Variants in UST observed in about 807,000 individuals in gnomAD.
UST encodes the protein uronyl 2-sulfotransferase.
A neutral mutation model predicts 45.6 loss-of-function variants in UST; 21 were observed. The observed-to-expected ratio is 0.46, with a 90% CI of 0.33 to 0.66. The LOEUF is 0.66. UST is among the 30% of genes least tolerant of loss of function. The probability of loss-of-function intolerance (pLI) is 0.02; values close to 1 mark genes in which losing one functional copy is unlikely to be tolerated. For missense variants in UST, 463 were observed against 512.4 expected (o/e 0.90, Z 0.93); for synonymous variants, 215 against 200.6 (o/e 1.07, Z -0.61).
intron 1 of UST, among the ~76,000 whole-genome samples, chr6:148,808,784 G>T (rs1054877268): frequency 1.3e-5 from 2 of 152,130 alleles, no homozygotes; most frequent in African/African-American, 4.8e-5. Flanking sequence ...TCATGGAGAT[G>T]GAGCCCTCAT....
chr6:148,878,071 A>AGGG (rs1778731792), intron 1 of UST, among the ~76,000 whole-genome samples: 1 of 67,394 alleles, frequency 1.5e-5, no homozygotes, highest in African/African-American at 6.1e-5. Flanking sequence ...GAGTGCGGGT[A>AGGG]TCGTGTATGA....
At chr6:148,962,658 G>A (rs1780686894) in intron 4 of UST, among the ~76,000 whole-genome samples, 4 of 152,148 alleles carry the variant, frequency 2.6e-5, no homozygotes, top group Admixed American at 2.6e-4. Context: ...GTGTATTTCT[G>A]AGAACTAACA....
chr6:148,910,609 G>T (rs1779453592), intron 2 of UST, among the ~76,000 whole-genome samples: 1 of 151,744 alleles, frequency 6.6e-6, no homozygotes, highest in Admixed American at 6.6e-5. Context: ...CCCTTACATG[G>T]GTCTTTCTCT....
Position 148,921,890 on chromosome 6 carries a change from A to G in UST, c.292-19389A>G, listed in dbSNP as rs1443328824. ...TTCCACCCTGTGCCCCAGCCATGTG[A>G]TACATCTCTACCCAGAGCAGGGCTC... On this transcript the variant is annotated intron_variant, in intron 2 of 7. Transcript: ENST00000367463. Among the ~76,000 whole-genome samples, 3 of 152,020 alleles carry G rather than the reference A, an allele frequency of 2.0e-5. No individual in the cohort carries two copies. In the East Asian group the frequency reaches 5.8e-4, roughly 29 times the overall value.
At chr6:148,987,957 G>A (rs910361306) in intron 5 of UST, among the ~76,000 whole-genome samples, 1 of 152,066 alleles carries the variant, frequency 6.6e-6, no homozygotes, top group Non-Finnish European at 1.5e-5. Context: ...CTATGCTCTC[G>A]AGGAATTGTC....
intron 5 of UST, among the ~76,000 whole-genome samples, chr6:148,985,944 G>T (rs1388808700): frequency 1.3e-5 from 2 of 152,214 alleles, no homozygotes; most frequent in African/African-American, 4.8e-5. Context: ...GGCAGGAAGA[G>T]CCATCAAACC....
At chr6:148,929,408 C>T (rs1779880724) in intron 2 of UST, among the ~76,000 whole-genome samples, 1 of 152,158 alleles carries the variant, frequency 6.6e-6, no homozygotes, top group East Asian at 1.9e-4. Flanking sequence ...GTAGGATTTT[C>T]AGATCTTAAA....
intron 1 of UST, among the ~76,000 whole-genome samples, chr6:148,776,536 C>T (rs1648972342): frequency 6.6e-6 from 1 of 152,124 alleles, no homozygotes; most frequent in South Asian, 2.1e-4. Flanking sequence ...TGAGATACAG[C>T]AGCTGGAGTT....
At chr6:148,792,789 A>G (rs892172698) in intron 1 of UST, among the ~76,000 whole-genome samples, 1 of 152,246 alleles carries the variant, frequency 6.6e-6, no homozygotes, top group South Asian at 2.1e-4. Context: ...TTAATGTTAC[A>G]TGAATAGGAA....
In UST at chr6:148,808,629, G is replaced by T. The variant is rs115745555; in HGVS notation, c.247+60952G>T. Among the ~76,000 whole-genome samples the T allele has an allele frequency of 8.1e-3, 1,233 of 152,070 alleles. 18 individuals are homozygous for T. The highest frequency in any genetic ancestry group is 0.028 in the African/African-American group (1,181 of 41,488). ...CTTTTGCTTGATATAAATTAAAGAA[G>T]CGTTGGGATATGGGTGGATTTAATA... is the stretch of plus-strand genomic sequence containing the variant. On this transcript the variant is annotated intron_variant, in intron 1 of 7. Coordinates refer to ENST00000367463, the MANE Select transcript of UST (RefSeq NM_005715.3).
At position 148,964,484 on chromosome 6, in the gene UST, T is replaced by C; in HGVS notation, c.602T>C (p.Phe201Ser). Residue 201 changes from phenylalanine to serine, a missense_variant, in exon 5 of 8, where the codon TTC becomes TCC. Phe to Ser is a radical substitution (Grantham distance 155). This residue lies in a region of UST where 287 missense variants were observed against 374.2 expected (regional missense o/e 0.77). Transcript: ENST00000367463. ...AACCGGTTCTTATCCAACTATTTTT[T>C]CCGTCGCTTTGGAGACTGGAGAGGG... ...PVNRFLSNYF[F>S]RRFGDWRGEQ... 1 of 1,614,200 alleles carries C rather than the reference T, an allele frequency of 6.2e-7. No homozygotes were observed. Among genetic ancestry groups the C allele is most frequent in the Non-Finnish European group, 8.5e-7 (1 of 1,180,036 alleles).
rs556328236 is a variant in UST at position 148,894,420 on chromosome 6, C to T, written c.291+7391C>T. ...AAATTTGGACACAGAGATAGAGACC[C>T]ACAGGAGAATGCAGTAGGGACAATG... On this transcript the variant is annotated intron_variant, in intron 2 of 7. Transcript: ENST00000367463. 1.1e-3 allele frequency among the ~76,000 whole-genome samples: 168 copies of T among 152,210 alleles called. 1 individual carries two copies. Among genetic ancestry groups the T allele is most frequent in the Non-Finnish European group, 1.6e-3 (108 of 68,002 alleles).
intron 7 of UST, among the ~76,000 whole-genome samples, chr6:149,070,982 G>C (rs1041183450): frequency 1.3e-5 from 2 of 152,066 alleles, no homozygotes; most frequent in African/African-American, 4.8e-5. Flanking sequence ...TGGCCTGGAT[G>C]GTCTCGATCT....
At chr6:148,878,245 GA>G (rs1778740354) in intron 1 of UST, among the ~76,000 whole-genome samples, 1 of 93,624 alleles carries the variant, frequency 1.1e-5, no homozygotes, top group Non-Finnish European at 2.2e-5. Context: ...TGAGTGCGGA[GA>G]TCGTGTATGA....
rs201018213 is a variant in UST at position 149,060,623 on chromosome 6, C to T, written c.938-13210C>T. Among the ~76,000 whole-genome samples, 839 of 152,290 alleles carry T rather than the reference C, an allele frequency of 5.5e-3. 9 individuals carry two copies. Among genetic ancestry groups the T allele is most frequent in the African/African-American group, 0.019 (801 of 41,534 alleles). ...GCTGTATGGGAATGGAGGTGGCAGG[C>T]GTTTGCCAACCCTGGGGAGTACACC... On this transcript the variant is annotated intron_variant, in intron 7 of 7. Coordinates refer to ENST00000367463, the MANE Select transcript of UST (RefSeq NM_005715.3).
intron 2 of UST, among the ~76,000 whole-genome samples, chr6:148,906,274 GCCAAAAAGAAT>G (rs1410390469): frequency 1.3e-5 from 2 of 152,072 alleles, no homozygotes; most frequent in African/African-American, 4.8e-5. Flanking sequence ...CCTCCCCTTG[GCCAAAAAGAAT>G]ATACCAGTGA....
chr6:148,855,198 A>G (rs1007595391), intron 1 of UST, among the ~76,000 whole-genome samples: 2 of 152,176 alleles, frequency 1.3e-5, no homozygotes, highest in Non-Finnish European at 2.9e-5. Context: ...GGGAGTTACT[A>G]TTCAAGATGA....
At chr6:148,781,206 A>G (rs1776636109) in intron 1 of UST, among the ~76,000 whole-genome samples, 1 of 152,238 alleles carries the variant, frequency 6.6e-6, no homozygotes, top group African/African-American at 2.4e-5. Context: ...AGCGACAGTT[A>G]ACCAAGTTTT....
At chr6:149,034,795 C>G (rs1023604997) in intron 7 of UST, among the ~76,000 whole-genome samples, 1 of 148,248 alleles carries the variant, frequency 6.7e-6, no homozygotes, top group Non-Finnish European at 1.5e-5. Context: ...GTATTCTACT[C>G]TAACTTGATG....
Sources: allele counts gnomAD v4.1 joint callset (sites outside exome capture counted in the v4.1 genomes callset), GRCh38; gene constraint gnomAD v4.1.1; regional missense constraint gnomAD v4.1.1; transcripts MANE v1.5; gene names NCBI Gene and HGNC (gene_info 2026-07-23, HGNC 2026-07-21).